Variants in TCF7L1 observed in about 807,000 individuals in gnomAD.
TCF7L1 encodes transcription factor 7-like 1.
A neutral mutation model predicts 63.7 loss-of-function variants in TCF7L1; 18 were observed. The ratio of observed to expected loss-of-function variants is 0.28; its 90% CI spans 0.20 to 0.42. The LOEUF is 0.42. TCF7L1 is among the 10% of genes least tolerant of loss of function. TCF7L1 has a pLI of 1.00. For missense variants in TCF7L1, 654 were observed against 779.3 expected, an observed-to-expected ratio of 0.84 and a Z score of 1.91; for synonymous variants, 355 against 340.9, an observed-to-expected ratio of 1.04 and a Z score of -0.46.
chr2:85,236,417 G>C (rs982203545), intron 3 of TCF7L1, among the ~76,000 whole-genome samples: 1 of 152,176 alleles, frequency 6.6e-6, no homozygotes, highest in Admixed American at 6.5e-5. Context: ...TCTGCAGAGA[G>C]GCCTCTGGTG....
intron 3 of TCF7L1, among the ~76,000 whole-genome samples, chr2:85,235,814 G>T (rs1680178042): frequency 6.6e-6 from 1 of 152,032 alleles, no homozygotes; most frequent in South Asian, 2.1e-4. Flanking sequence ...TTGAGCCCAG[G>T]CATTCAAGAT....
At chr2:85,165,185 A>C (rs1324091163) in intron 3 of TCF7L1, among the ~76,000 whole-genome samples, 1 of 152,190 alleles carries the variant, frequency 6.6e-6, no homozygotes, top group Non-Finnish European at 1.5e-5. Context: ...CTGTAAGTGG[A>C]GATAACTCTA....
At chr2:85,288,678 G>T (rs1393439018) in intron 4 of TCF7L1, among the ~76,000 whole-genome samples, 1 of 152,114 alleles carries the variant, frequency 6.6e-6, no homozygotes, top group Admixed American at 6.5e-5. Context: ...GCCCGGGTGC[G>T]GGATGAAGTT....
chr2:85,180,041 C>A (rs2104248660), intron 3 of TCF7L1, among the ~76,000 whole-genome samples: 1 of 152,052 alleles, frequency 6.6e-6, no homozygotes, highest in South Asian at 2.1e-4. Context: ...TGTCACTGCC[C>A]AGGACGTGGC....
chr2:85,191,904 T>C (rs1679044398), intron 3 of TCF7L1, among the ~76,000 whole-genome samples: 1 of 152,174 alleles, frequency 6.6e-6, no homozygotes. Context: ...AAACTTCATC[T>C]TCAAGTCCCT....
At chr2:85,279,192 C>G (rs1453515146) in intron 3 of TCF7L1, among the ~76,000 whole-genome samples, 1 of 152,244 alleles carries the variant, frequency 6.6e-6, no homozygotes, top group African/African-American at 2.4e-5. Context: ...CCATCACTTA[C>G]TTCCCCAAGG....
intron 3 of TCF7L1, among the ~76,000 whole-genome samples, chr2:85,158,315 C>T (rs62162853): frequency 0.054 from 8,210 of 152,236 alleles, 309 homozygotes; most frequent in Middle Eastern, 0.11. Context: ...AGACCCAGTC[C>T]CCTCTGGGAG....
At chr2:85,252,363 G>A (rs1184802470) in intron 3 of TCF7L1, among the ~76,000 whole-genome samples, 2 of 152,202 alleles carry the variant, frequency 1.3e-5, no homozygotes, top group African/African-American at 2.4e-5. Flanking sequence ...ATTCACCTAC[G>A]TGGTCTCGGG....
rs111774486 is a variant in TCF7L1 at position 85,278,202 on chromosome 2, C to T, written c.442-5293C>T. 7.1e-3 allele frequency among the ~76,000 whole-genome samples: 1,075 copies of T among 152,298 alleles called. 14 individuals are homozygous for T. Among genetic ancestry groups the T allele is most frequent in the African/African-American group, 0.025 (1,029 of 41,556 alleles). The stretch of plus-strand genomic sequence containing the variant: ...CAGCATCCTTCAGAGGGACCCTTCC[C>T]GAGATCCACGTTGAGCAGAAACAGC... On this transcript the variant is annotated intron_variant, in intron 3 of 11. Coordinates refer to ENST00000282111, the MANE Select transcript of TCF7L1 (RefSeq NM_031283.3).
chr2:85,239,944 T>TAAAAAAAAAAA (rs11337671), intron 3 of TCF7L1, among the ~76,000 whole-genome samples: 2 of 104,382 alleles, frequency 1.9e-5, no homozygotes, highest in Non-Finnish European at 3.9e-5. Flanking sequence ...AGACTCCATC[T>TAAAAAAAAAAA]AAAAAAAAAA....
intron 4 of TCF7L1, among the ~76,000 whole-genome samples, chr2:85,299,769 G>A (rs2104385100): frequency 6.6e-6 from 1 of 151,334 alleles, no homozygotes; most frequent in African/African-American, 2.4e-5. Flanking sequence ...TGAGGTGGGA[G>A]GATTGCTTGA....
intron 3 of TCF7L1, among the ~76,000 whole-genome samples, chr2:85,277,854 G>C (rs918664615): frequency 2.5e-4 from 38 of 152,166 alleles, no homozygotes; most frequent in African/African-American, 8.9e-4. Context: ...TGCGAACAGG[G>C]AGAATGTGGG....
intron 3 of TCF7L1, among the ~76,000 whole-genome samples, chr2:85,248,521 C>T (rs1455690908): frequency 6.6e-6 from 1 of 152,124 alleles, no homozygotes; most frequent in Non-Finnish European, 1.5e-5. Flanking sequence ...CTGGGTTTTG[C>T]TAGCCTTCCC....
At chr2:85,192,762 ACTC>A (rs2104266944) in intron 3 of TCF7L1, among the ~76,000 whole-genome samples, 1 of 149,288 alleles carries the variant, frequency 6.7e-6, no homozygotes, top group South Asian at 2.1e-4. Flanking sequence ...GCAACCTTGA[ACTC>A]CTGGGCTCAA....
intron 4 of TCF7L1, among the ~76,000 whole-genome samples, chr2:85,289,547 G>C (rs771897816): frequency 2.0e-5 from 3 of 152,204 alleles, no homozygotes; most frequent in African/African-American, 7.2e-5. Flanking sequence ...AGAGGAAGGT[G>C]TAGAGAAAAA....
chr2:85,152,909 T>C (rs970986702), intron 3 of TCF7L1, among the ~76,000 whole-genome samples: 1 of 152,266 alleles, frequency 6.6e-6, no homozygotes, highest in African/African-American at 2.4e-5. Flanking sequence ...TACCAACTGA[T>C]ACATTTCAAG....
intron 4 of TCF7L1, among the ~76,000 whole-genome samples, chr2:85,285,892 T>C (rs1681535134): frequency 6.6e-6 from 1 of 152,078 alleles, no homozygotes; most frequent in Non-Finnish European, 1.5e-5. Flanking sequence ...TTATTTCCCT[T>C]TAAAAACTAA....
At chr2:85,246,350 G>A (rs1159131621) in intron 3 of TCF7L1, among the ~76,000 whole-genome samples, 1 of 152,206 alleles carries the variant, frequency 6.6e-6, no homozygotes, top group African/African-American at 2.4e-5. Flanking sequence ...TGGGGGCCTG[G>A]GAGAGGGAAG....
At chr2:85,222,669 C>CAAAAAAAA (rs60020804) in intron 3 of TCF7L1, among the ~76,000 whole-genome samples, 6 of 58,208 alleles carry the variant, frequency 1.0e-4, no homozygotes, top group African/African-American at 2.2e-4. Context: ...GACCCCATCT[C>CAAAAAAAA]AAAAAAAAAA....
Sources: allele counts gnomAD v4.1 joint callset (sites outside exome capture counted in the v4.1 genomes callset), GRCh38; gene constraint gnomAD v4.1.1; transcripts MANE v1.5; gene names NCBI Gene and HGNC (gene_info 2026-07-23, HGNC 2026-07-21).